Variants in AGAP1 observed in about 807,000 individuals in gnomAD.
AGAP1 encodes ArfGAP with GTPase domain, ankyrin repeat and PH domain 1.
In AGAP1, 29 loss-of-function variants were observed where a neutral mutation model predicts 105.3. That is an observed-to-expected ratio of 0.28 (90% confidence interval 0.21 to 0.38). The LOEUF is 0.38. Among genes scored for constraint, AGAP1 ranks in the 10% least tolerant of loss-of-function variants. The pLI is 1.00. For synonymous variants in AGAP1, 509 were observed against 485.9 expected, an observed-to-expected ratio of 1.05 and a Z score of -0.63; for missense variants, 998 against 1,165.1, an observed-to-expected ratio of 0.86 and a Z score of 2.09.
chr2:235,629,106 T>C lies in AGAP1; in HGVS notation c.164-80073T>C, dbSNP rs531998824. Among the ~76,000 whole-genome samples the C allele has an allele frequency of 3.3e-5, 5 of 152,216 alleles. No homozygotes were observed. The East Asian group carries it at 9.7e-4, about 29-fold the overall frequency. On this transcript the variant is annotated intron_variant, in intron 1 of 17. Coordinates refer to ENST00000304032, the MANE Select transcript of AGAP1 (RefSeq NM_001037131.3). ...ATTATAGGTGTGAGCCATTGTATCA[T>C]TCTTATGCCTTTGTGTCCTCATACC...
At chr2:235,526,830 G>A (rs1383422162) in intron 1 of AGAP1, among the ~76,000 whole-genome samples, 1 of 152,134 alleles carries the variant, frequency 6.6e-6, no homozygotes, top group East Asian at 1.9e-4. Flanking sequence ...AAAATTAAAA[G>A]TACCACAGTT....
chr2:235,789,575 G>A lies in AGAP1; in HGVS notation c.674-8184G>A, dbSNP rs544641612. Among the ~76,000 whole-genome samples the A allele has an allele frequency of 2.0e-5, 3 of 152,248 alleles. No individual in the cohort carries two copies. The South Asian group carries it at 6.2e-4, about 32-fold the overall frequency. ...GCTTCACTAGAAGAAATTTAAGCAAGCTTGGCTTTTTAACCACAGCCTATT... is the reference window on the plus strand; with the variant it reads ...GCTTCACTAGAAGAAATTTAAGCAAACTTGGCTTTTTAACCACAGCCTATT... On this transcript the variant is annotated intron_variant, in intron 6 of 17. Transcript: ENST00000304032. The surrounding 1 kb of genome is among the most constrained non-coding windows in gnomAD (Gnocchi z 4.2).
At chr2:235,502,214 C>T (rs948846452) in intron 1 of AGAP1, among the ~76,000 whole-genome samples, 1 of 152,010 alleles carries the variant, frequency 6.6e-6, no homozygotes, top group Admixed American at 6.6e-5. Flanking sequence ...GAGACCATGG[C>T]CAGAAGTGGG....
rs966686534 is a variant in AGAP1, at chr2:236,002,461, A to C, written c.1645+33838A>C. Among the ~76,000 whole-genome samples the C allele has an allele frequency of 6.6e-6, 1 of 152,214 alleles. No individual in the cohort carries two copies. The highest frequency in any genetic ancestry group is 1.5e-5 in the Non-Finnish European group (1 of 68,044). On this transcript the variant is annotated intron_variant, in intron 13 of 17. Coordinates refer to ENST00000304032, the MANE Select transcript of AGAP1 (RefSeq NM_001037131.3). The surrounding 1 kb of genome is among the most constrained non-coding windows in gnomAD (Gnocchi z 4.3). ...TAGGGGAGAGGCTGTGTGTTTTCAT[A>C]AGCGAATCCTGATTTTCTGACAAAA...
intron 1 of AGAP1, among the ~76,000 whole-genome samples, chr2:235,604,168 A>G (rs1403952204): frequency 6.6e-6 from 1 of 152,144 alleles, no homozygotes; most frequent in African/African-American, 2.4e-5. Flanking sequence ...ATTGGTTCAG[A>G]TGTATCATTC....
chr2:235,829,074 A>G (rs1175257780), intron 9 of AGAP1, among the ~76,000 whole-genome samples: 2 of 151,504 alleles, frequency 1.3e-5, no homozygotes, highest in Non-Finnish European at 2.9e-5. Context: ...TACTGGGTAG[A>G]TGGGCACCAG....
intron 1 of AGAP1, among the ~76,000 whole-genome samples, chr2:235,498,883 T>C (rs1941440065): frequency 1.3e-5 from 2 of 152,192 alleles, no homozygotes; most frequent in Admixed American, 1.3e-4. Context: ...CCTGCACTTC[T>C]TAAGGGCATT....
intron 6 of AGAP1, among the ~76,000 whole-genome samples, chr2:235,764,636 A>C (rs2149802801): frequency 1.3e-5 from 2 of 148,966 alleles, no homozygotes; most frequent in Admixed American, 6.8e-5. Flanking sequence ...GCATGTTCCC[A>C]CCCCTGATGG....
chr2:235,925,693 A>G (rs1347269962), intron 11 of AGAP1, among the ~76,000 whole-genome samples: 7 of 152,108 alleles, frequency 4.6e-5, no homozygotes, highest in Non-Finnish European at 1.0e-4. Flanking sequence ...GTCTTTGTTG[A>G]CTGTCGGCGG....
Position 235,633,376 on chromosome 2 carries a change from C to T in AGAP1, c.164-75803C>T, listed in dbSNP as rs775194094. On this transcript the variant is annotated intron_variant, in intron 1 of 17. Transcript: ENST00000304032. This position sits in a 1 kb window ranked among gnomAD's most constrained non-coding sequence, Gnocchi z 4.8. ...TGGGAGGCCAAGGTGGGTGGATCACCTGAGGTCAGGAGTTCAAGACCAGTC... is the reference window on the plus strand; with the variant it reads ...TGGGAGGCCAAGGTGGGTGGATCACTTGAGGTCAGGAGTTCAAGACCAGTC... Among the ~76,000 whole-genome samples the T allele has an allele frequency of 1.3e-5, 2 of 152,010 alleles. No homozygotes were observed. Among genetic ancestry groups the T allele is most frequent in the Non-Finnish European group, 2.9e-5 (2 of 67,992 alleles).
rs915779421 is a variant in AGAP1, at chr2:235,705,114, G to T, written c.164-4065G>T. On this transcript the variant is annotated intron_variant, in intron 1 of 17. Coordinates refer to ENST00000304032, the MANE Select transcript of AGAP1 (RefSeq NM_001037131.3). The surrounding 1 kb of genome is among the most constrained non-coding windows in gnomAD (Gnocchi z 4.9). ...CTGCCTCAGCCTCCCGAGCAGCTGG[G>T]ATTACAATCATGTGCCACCACGCCT... 6.6e-6 allele frequency among the ~76,000 whole-genome samples: 1 copy of T among 151,820 alleles called. No homozygotes were observed. Among genetic ancestry groups the T allele is most frequent in the African/African-American group, 2.4e-5 (1 of 41,342 alleles).
intron 2 of AGAP1, among the ~76,000 whole-genome samples, chr2:235,713,115 G>A (rs192343742): frequency 8.1e-4 from 123 of 152,320 alleles, no homozygotes; most frequent in East Asian, 4.1e-3. Context: ...AGGCAGGAAC[G>A]TTGCTATGCA....
intron 1 of AGAP1, among the ~76,000 whole-genome samples, chr2:235,565,591 T>G (rs183646871): frequency 3.3e-5 from 5 of 152,326 alleles, no homozygotes; most frequent in African/African-American, 1.2e-4. Context: ...TTATTTGTGA[T>G]GAAAATACTC....
intron 6 of AGAP1, among the ~76,000 whole-genome samples, chr2:235,791,502 C>T (rs116154811): frequency 0.032 from 4,824 of 152,074 alleles, 250 homozygotes; most frequent in African/African-American, 0.11. Context: ...AAACTCCTGA[C>T]GCACAGAATC....
chr2:235,904,960 A>G lies in AGAP1; in HGVS notation c.1156-3778A>G, dbSNP rs753961719. Among the ~76,000 whole-genome samples the G allele has an allele frequency of 6.6e-6, 1 of 151,564 alleles. No homozygotes were observed. Among genetic ancestry groups the G allele is most frequent in the African/African-American group, 2.4e-5 (1 of 41,280 alleles). ...AATATAAGAATTGGCTATTTTAAAT[A>G]CCGATTTTATTTATTTTTTTTTTTT... On this transcript the variant is annotated intron_variant, in intron 10 of 17. Coordinates refer to ENST00000304032, the MANE Select transcript of AGAP1 (RefSeq NM_001037131.3). The surrounding 1 kb of genome is among the most constrained non-coding windows in gnomAD (Gnocchi z 4.2).
chr2:235,772,087 C>T (rs958739817), intron 6 of AGAP1, among the ~76,000 whole-genome samples: 2 of 151,332 alleles, frequency 1.3e-5, no homozygotes, highest in Non-Finnish European at 2.9e-5. Flanking sequence ...CCTCCGCCTC[C>T]GAGTTCAAGT....
At chr2:235,727,898 T>C (rs1951728854) in intron 3 of AGAP1, among the ~76,000 whole-genome samples, 1 of 152,094 alleles carries the variant, frequency 6.6e-6, no homozygotes, top group Non-Finnish European at 1.5e-5. Flanking sequence ...ATGTCTAGTT[T>C]GGGGGCCTGG....
chr2:235,847,626 A>G (rs1961658395), intron 9 of AGAP1, among the ~76,000 whole-genome samples: 1 of 152,234 alleles, frequency 6.6e-6, no homozygotes, highest in East Asian at 1.9e-4. Flanking sequence ...TTGACTATTC[A>G]TCACTCAAGC....
At position 235,639,278 on chromosome 2, in the gene AGAP1, C is replaced by T. The variant is rs1277502385; in HGVS notation, c.164-69901C>T. ...GGCTGTTGGGTGAGTGGTTCTCAAGCTCAGAGCTGAGCTGGGGGCATCCAT... is the reference window on the plus strand; with the variant it reads ...GGCTGTTGGGTGAGTGGTTCTCAAGTTCAGAGCTGAGCTGGGGGCATCCAT... On this transcript the variant is annotated intron_variant, in intron 1 of 17. Transcript: ENST00000304032. This position sits in a 1 kb window ranked among gnomAD's most constrained non-coding sequence, Gnocchi z 5.3. Among the ~76,000 whole-genome samples, 1 of 152,110 alleles carries T rather than the reference C, an allele frequency of 6.6e-6. No individual in the cohort carries two copies. Among genetic ancestry groups the T allele is most frequent in the Non-Finnish European group, 1.5e-5 (1 of 68,034 alleles).
Sources: allele counts gnomAD v4.1 joint callset (sites outside exome capture counted in the v4.1 genomes callset), GRCh38; gene constraint gnomAD v4.1.1; non-coding constraint Gnocchi (gnomAD v3.1); transcripts MANE v1.5; gene names NCBI Gene and HGNC (gene_info 2026-07-23, HGNC 2026-07-21).